Variants in DENND2B observed in about 807,000 individuals in gnomAD.
The protein encoded by DENND2B is DENN domain containing 2B.
A neutral mutation model predicts 116.0 loss-of-function variants in DENND2B; 32 were observed. The ratio of observed to expected loss-of-function variants is 0.28; its 90% CI spans 0.21 to 0.37. The LOEUF (loss-of-function observed/expected upper bound fraction) is 0.37, where lower values mean the gene tolerates loss of function less well. DENND2B is among the 10% of genes least tolerant of loss of function. The pLI, the probability that DENND2B is intolerant of heterozygous loss-of-function variation, is 1.00. For synonymous variants in DENND2B, 588 were observed against 583.9 expected (o/e 1.01, Z -0.10); for missense variants, 1,276 against 1,477.7 (o/e 0.86, Z 2.24).
Position 8,721,886 on chromosome 11 carries a change from C to T in DENND2B, c.1478-3994G>A, listed in dbSNP as rs367853171. On this transcript the variant is annotated intron_variant, in intron 4 of 19. Coordinates refer to ENST00000313726, the MANE Select transcript of DENND2B (RefSeq NM_213618.2). ...TGCATCCCACTGAAGTTCCTGGAAACGCTCCCTCAGCCCAGGCTAGCTGAT... is the reference window on the plus strand; with the variant it reads ...TGCATCCCACTGAAGTTCCTGGAAATGCTCCCTCAGCCCAGGCTAGCTGAT... Among the ~76,000 whole-genome samples the T allele has an allele frequency of 5.6e-4, 86 of 152,352 alleles. 2 individuals carry two copies. The South Asian group carries it at 0.017, about 29-fold the overall frequency.
Position 8,715,823 on chromosome 11 carries a change from C to T in DENND2B, c.1630-5G>A, listed in dbSNP as rs370616010. ...GCTGTTGGGTTTCAGGGAAAGCTGG[C>T]GTGGGGGAGAGGACGTGCGAGAGGG... On this transcript the variant is annotated splice_polypyrimidine_tract_variant and splice_region_variant and intron_variant, in intron 5 of 19. Transcript: ENST00000313726. 28 of 1,592,034 alleles carry T rather than the reference C, an allele frequency of 1.8e-5. No individual in the cohort carries two copies. Among genetic ancestry groups the T allele is most frequent in the Middle Eastern group, 1.8e-4 (1 of 5,534 alleles).
intron 4 of DENND2B, among the ~76,000 whole-genome samples, chr11:8,826,010 A>AC (rs1295235552): frequency 6.6e-6 from 1 of 152,188 alleles, no homozygotes; most frequent in Non-Finnish European, 1.5e-5. Context: ...ATATTGAAAG[A>AC]AAAAAAGGAA....
chr11:8,731,310 T>C (rs1565766880), intron 2 of DENND2B, 101 bp from the exon 3 acceptor site: 2 of 1,149,362 alleles, frequency 1.7e-6, no homozygotes. Flanking sequence ...CAGCATCTTT[T>C]TCCTGGAGGA....
At chr11:8,706,669 G>A (rs1408910046) in intron 13 of DENND2B, among the ~76,000 whole-genome samples, 2 of 152,024 alleles carry the variant, frequency 1.3e-5, no homozygotes, top group Middle Eastern at 3.2e-3. Context: ...ACACATTTAG[G>A]AATTATCTAT....
chr11:8,773,708 T>C (rs550927463), intron 1 of DENND2B, among the ~76,000 whole-genome samples: 9 of 152,202 alleles, frequency 5.9e-5, no homozygotes, highest in Non-Finnish European at 8.8e-5. Context: ...TGAAAAAAAT[T>C]ACCAAGTTGG....
chr11:8,799,920 TA>T (rs1339768004), intron 1 of DENND2B, among the ~76,000 whole-genome samples: 90 of 1,366 alleles, frequency 0.066, 1 homozygote, highest in South Asian at 0.42. Context: ...ACCATGTATT[TA>T]TTATTATTAT....
intron 2 of DENND2B, among the ~76,000 whole-genome samples, chr11:8,859,763 C>T (rs927770018): frequency 3.9e-5 from 6 of 152,188 alleles, no homozygotes; most frequent in Non-Finnish European, 7.3e-5. Context: ...CCACTACCCC[C>T]ACTACCCTAT....
intron 3 of DENND2B, among the ~76,000 whole-genome samples, chr11:8,848,844 G>A (rs764282317): frequency 6.6e-5 from 10 of 151,678 alleles, no homozygotes; most frequent in Admixed American, 6.6e-5. Context: ...TATCTACTGA[G>A]TACCAGGTAT....
At chr11:8,738,545 G>A (rs1413983752) in intron 2 of DENND2B, among the ~76,000 whole-genome samples, 1 of 152,062 alleles carries the variant, frequency 6.6e-6, no homozygotes, top group Non-Finnish European at 1.5e-5. Flanking sequence ...TCTACTTGAT[G>A]ACTATGTCCT....
chr11:8,714,750 C>G lies in DENND2B; in HGVS notation c.1846-44G>C. 1.9e-6 allele frequency: 3 copies of G among 1,543,794 alleles called. No homozygotes were observed. The South Asian group carries it at 3.4e-5, about 17-fold the overall frequency. On this transcript the variant is annotated intron_variant, in intron 6 of 19. Coordinates refer to ENST00000313726, the MANE Select transcript of DENND2B (RefSeq NM_213618.2). ...ATGGGTGAGGTAACCTTAACACCAG[C>G]TGCCCTACTTCCAAGAAGGCTGAGT...
chr11:8,738,436 G>A (rs1389199998), intron 2 of DENND2B, among the ~76,000 whole-genome samples: 4 of 152,100 alleles, frequency 2.6e-5, no homozygotes, highest in African/African-American at 7.2e-5. Flanking sequence ...TACACTTAAC[G>A]CTCTAGAGAA....
intron 4 of DENND2B, among the ~76,000 whole-genome samples, chr11:8,828,836 A>C (rs2062080246): frequency 6.6e-6 from 1 of 152,202 alleles, no homozygotes; most frequent in African/African-American, 2.4e-5. Flanking sequence ...TAATTAGACC[A>C]GACAAGAGCG....
intron 16 of DENND2B, 67 bp downstream of exon 16, chr11:8,698,866 T>C (rs2040946996): frequency 1.0e-5 from 16 of 1,574,448 alleles, no homozygotes; most frequent in Non-Finnish European, 1.3e-5. Context: ...GTTGTGAAGG[T>C]TGAGTAGTGT....
At chr11:8,718,114 A>AC (rs1294243947) in intron 4 of DENND2B, 78 of 12,470 alleles carry the variant, frequency 6.3e-3, no homozygotes, top group African/African-American at 0.024. Context: ...ACCCCCCCCA[A>AC]CCCCCCACCC....
At chr11:8,721,515 C>T (rs893070865) in intron 4 of DENND2B, among the ~76,000 whole-genome samples, 1 of 136,856 alleles carries the variant, frequency 7.3e-6, no homozygotes, top group African/African-American at 2.6e-5. Flanking sequence ...AACCTCCGTC[C>T]GGTTCCAACC....
chr11:8,755,213 G>T (rs931703050), intron 1 of DENND2B, among the ~76,000 whole-genome samples: 1 of 152,140 alleles, frequency 6.6e-6, no homozygotes, highest in African/African-American at 2.4e-5. Context: ...CCTCTGATTG[G>T]TATCCTCCAT....
chr11:8,699,290 C>G lies in DENND2B; in HGVS notation c.2821G>C (p.Val941Leu). Reference sequence around the variant, plus strand: ...ACCAGGAAGGGGGTGGGACAGCAGACGATGTCAATCATGGAGGCCGGGAGG... The same window carrying G: ...ACCAGGAAGGGGGTGGGACAGCAGAGGATGTCAATCATGGAGGCCGGGAGG... ...PVLPASMIDIVCCPTPFLVGL... is the reference protein window; with the variant it reads ...PVLPASMIDILCCPTPFLVGL... The change falls in exon 15 of 20, where the codon GTC becomes CTC. Residue 941 changes from valine (V) to leucine (L), a missense_variant. Physicochemically the swap from Val to Leu is conservative, Grantham distance 32. This residue lies in a region of DENND2B where 420 missense variants were observed against 631.1 expected (regional missense o/e 0.67). Coordinates refer to ENST00000313726, the MANE Select transcript of DENND2B (RefSeq NM_213618.2). The G allele has an allele frequency of 6.2e-7, 1 of 1,603,970 alleles. No homozygotes were observed. Among genetic ancestry groups the G allele is most frequent in the Non-Finnish European group, 8.5e-7 (1 of 1,177,616 alleles).
Position 8,694,094 on chromosome 11 carries a change from G to A in DENND2B, c.*2C>T. The A allele has an allele frequency of 6.2e-7, 1 of 1,614,134 alleles. No homozygotes were observed. Among genetic ancestry groups the A allele is most frequent in the Admixed American group, 1.7e-5 (1 of 60,022 alleles). Reference sequence around the variant, plus strand: ...ACTGGACTCTGCTACTGAGAAGGAGGCTTAATTCTTCTTGTGGAGAAACTT... The same window carrying A: ...ACTGGACTCTGCTACTGAGAAGGAGACTTAATTCTTCTTGTGGAGAAACTT... On this transcript the variant is annotated 3_prime_UTR_variant, in exon 20 of 20. Transcript: ENST00000313726.
In DENND2B at chr11:8,702,798, A is replaced by AG. The variant is rs3833780; in HGVS notation, c.2572-79dup. 0.68 allele frequency: 1,054,305 copies of AG among 1,558,888 alleles called. 358,193 individuals carry two copies. The highest frequency in any genetic ancestry group is 0.7 in the Middle Eastern group (3,088 of 4,406). ...CTCTGGCCCTCCACGAAGCAACTGG[A>AG]GCTGCTTTCCCCTTCCAACCTGCTC... On this transcript the variant is annotated intron_variant, in intron 13 of 19. Coordinates refer to ENST00000313726, the MANE Select transcript of DENND2B (RefSeq NM_213618.2). This position sits in a 1 kb window ranked among gnomAD's most constrained non-coding sequence, Gnocchi z 4.6.
Sources: allele counts gnomAD v4.1 joint callset (sites outside exome capture counted in the v4.1 genomes callset), GRCh38; gene constraint gnomAD v4.1.1; regional missense constraint gnomAD v4.1.1; non-coding constraint Gnocchi (gnomAD v3.1); transcripts MANE v1.5; gene names NCBI Gene and HGNC (gene_info 2026-07-23, HGNC 2026-07-21).